The following HS6ST3 variants were observed in gnomAD, a reference collection of about 807,000 sequenced individuals.
HS6ST3 encodes heparan-sulfate 6-O-sulfotransferase 3.
Under a neutral mutation model 36.7 loss-of-function variants are expected in HS6ST3, and 12 were observed. The observed-to-expected ratio is 0.33, with a 90% CI of 0.21 to 0.53. HS6ST3 has a LOEUF of 0.53. HS6ST3 is among the 20% of genes least tolerant of loss of function. HS6ST3 has a pLI of 0.95. For missense variants in HS6ST3, 584 were observed against 640.9 expected, an observed-to-expected ratio of 0.91 and a Z score of 0.96; for synonymous variants, 240 against 257.5, an observed-to-expected ratio of 0.93 and a Z score of 0.65.
At chr13:96,319,398 C>T (rs920940344) in intron 1 of HS6ST3, among the ~76,000 whole-genome samples, 1 of 152,160 alleles carries the variant, frequency 6.6e-6, no homozygotes, top group Non-Finnish European at 1.5e-5. Flanking sequence ...TTCATCAGCT[C>T]ATGGACATTT....
intron 1 of HS6ST3, among the ~76,000 whole-genome samples, chr13:96,110,715 C>A (rs1017042494): frequency 6.6e-6 from 1 of 152,114 alleles, no homozygotes; most frequent in Non-Finnish European, 1.5e-5. Context: ...TGAGCCACCA[C>A]GCCTGGCCGG....
intron 1 of HS6ST3, among the ~76,000 whole-genome samples, chr13:96,237,017 A>G (rs2054537755): frequency 6.6e-6 from 1 of 152,236 alleles, no homozygotes; most frequent in South Asian, 2.1e-4. Flanking sequence ...GGGCAGCAGT[A>G]GAGAGATTGA....
intron 1 of HS6ST3, among the ~76,000 whole-genome samples, chr13:96,138,590 T>C (rs1214047457): frequency 6.6e-6 from 1 of 152,024 alleles, no homozygotes; most frequent in Non-Finnish European, 1.5e-5. Context: ...AAAGTTTCCT[T>C]GCGTCACTTT....
intron 1 of HS6ST3, among the ~76,000 whole-genome samples, chr13:96,501,452 G>A (rs1241796880): frequency 6.6e-6 from 1 of 152,230 alleles, no homozygotes; most frequent in Non-Finnish European, 1.5e-5. Flanking sequence ...CCAAGTGTGA[G>A]TTGCTGTCCT....
chr13:96,147,770 A>G lies in HS6ST3; in HGVS notation c.707+56201A>G, dbSNP rs565770648. On this transcript the variant is annotated intron_variant, in intron 1 of 1. Transcript: ENST00000376705. ...CTGCCACCCTTAACTGGAATAAACA[A>G]TTTGGAAAATGAATGAATGAATGAA... Among the ~76,000 whole-genome samples, 7 of 152,286 alleles carry G rather than the reference A, an allele frequency of 4.6e-5. No individual in the cohort carries two copies. In the South Asian group the frequency reaches 1.5e-3, roughly 32 times the overall value.
At chr13:96,197,322 A>C (rs189373335) in intron 1 of HS6ST3, among the ~76,000 whole-genome samples, 1 of 152,288 alleles carries the variant, frequency 6.6e-6, no homozygotes, top group East Asian at 1.9e-4. Flanking sequence ...GGACTTAATC[A>C]CTATCGTGAG....
chr13:96,269,067 G>C (rs1207465419), intron 1 of HS6ST3, among the ~76,000 whole-genome samples: 1 of 151,934 alleles, frequency 6.6e-6, no homozygotes, highest in Non-Finnish European at 1.5e-5. Context: ...TTTCTGTTCA[G>C]TGCTCTTACA....
At chr13:96,121,058 T>G (rs1025298402) in intron 1 of HS6ST3, among the ~76,000 whole-genome samples, 1 of 152,214 alleles carries the variant, frequency 6.6e-6, no homozygotes, top group Non-Finnish European at 1.5e-5. Context: ...GTCCGAGACC[T>G]AAAACAGAAA....
intron 1 of HS6ST3, among the ~76,000 whole-genome samples, chr13:96,554,335 A>T (rs1177235470): frequency 1.3e-5 from 2 of 152,190 alleles, no homozygotes; most frequent in African/African-American, 4.8e-5. Context: ...ATCTATCTCT[A>T]TGTAAAAATG....
At chr13:96,484,605 C>T (rs1332164635) in intron 1 of HS6ST3, among the ~76,000 whole-genome samples, 2 of 152,192 alleles carry the variant, frequency 1.3e-5, no homozygotes, top group East Asian at 1.9e-4. Context: ...CAGTATTTGT[C>T]TTTCTGTGTC....
chr13:96,833,119 A>T lies in HS6ST3; in HGVS notation c.1337A>T (p.Asp446Val), dbSNP rs768159623. The change falls in exon 2 of 2, where the codon GAC becomes GTC. Residue 446 changes from aspartate to valine, a missense_variant. By Grantham distance (152) the Asp-to-Val change is radical. This residue lies in a region of HS6ST3 where 360 missense variants were observed against 411.3 expected (regional missense o/e 0.88). Transcript: ENST00000376705. ...EERRLQREHR[D>V]HQWPKEDGAA... ...CGGAGGCTGCAGCGAGAGCACAGGGACCACCAGTGGCCCAAAGAAGATGGG... is the reference window on the plus strand; with the variant it reads ...CGGAGGCTGCAGCGAGAGCACAGGGTCCACCAGTGGCCCAAAGAAGATGGG... 1.2e-6 allele frequency: 2 copies of T among 1,603,460 alleles called. No homozygotes were observed. Among genetic ancestry groups the T allele is most frequent in the Admixed American group, 3.3e-5 (2 of 59,990 alleles).
chr13:96,320,569 T>C (rs866761435), intron 1 of HS6ST3, among the ~76,000 whole-genome samples: 2 of 152,172 alleles, frequency 1.3e-5, no homozygotes, highest in African/African-American at 4.8e-5. Context: ...ATCTTTGAGA[T>C]TGGATTAAGA....
intron 1 of HS6ST3, among the ~76,000 whole-genome samples, chr13:96,229,363 A>G (rs147049859): frequency 1.4e-4 from 22 of 152,046 alleles, no homozygotes; most frequent in Non-Finnish European, 1.6e-4. Flanking sequence ...AAAATACCAT[A>G]CTCTGGGTGG....
intron 1 of HS6ST3, among the ~76,000 whole-genome samples, chr13:96,256,204 G>A (rs1330005688): frequency 6.6e-6 from 1 of 152,136 alleles, no homozygotes. Flanking sequence ...CACTGCAATT[G>A]GTACTAGAAG....
At chr13:96,344,914 A>C (rs892349983) in intron 1 of HS6ST3, among the ~76,000 whole-genome samples, 2 of 152,174 alleles carry the variant, frequency 1.3e-5, no homozygotes, top group Non-Finnish European at 2.9e-5. Context: ...TTGCTTGTCC[A>C]TGTGTAAATA....
chr13:96,313,364 T>C (rs1255592049), intron 1 of HS6ST3, among the ~76,000 whole-genome samples: 1 of 151,848 alleles, frequency 6.6e-6, no homozygotes, highest in African/African-American at 2.4e-5. Context: ...TCTTCTCCAT[T>C]TTCTGCCCAT....
chr13:96,257,441 C>T (rs138863718), intron 1 of HS6ST3, among the ~76,000 whole-genome samples: 1 of 152,230 alleles, frequency 6.6e-6, no homozygotes, highest in African/African-American at 2.4e-5. Context: ...TGAGAGGCAG[C>T]CTACCTGGAA....
At chr13:96,747,034 T>C (rs1304400254) in intron 1 of HS6ST3, among the ~76,000 whole-genome samples, 3 of 152,124 alleles carry the variant, frequency 2.0e-5, no homozygotes, top group Admixed American at 1.3e-4. Context: ...TATTTTTTTT[T>C]CCCAACCTCC....
intron 1 of HS6ST3, among the ~76,000 whole-genome samples, chr13:96,509,157 G>A (rs2056038711): frequency 6.6e-6 from 1 of 152,010 alleles, no homozygotes; most frequent in Non-Finnish European, 1.5e-5. Flanking sequence ...ATCTTCTTTT[G>A]AGAAATGTCT....
Sources: gnomAD v4.1 joint callset for allele counts (sites outside exome capture counted in the v4.1 genomes callset) on GRCh38, gnomAD v4.1.1 for gene constraint, gnomAD v4.1.1 regional missense constraint, MANE v1.5 for transcripts, NCBI Gene and HGNC (gene_info 2026-07-23, HGNC 2026-07-21) for gene names.